Variants in C3 observed in about 807,000 individuals in gnomAD.
The protein encoded by C3 is C3 and PZP-like alpha-2-macroglobulin domain-containing protein 1.
Under a neutral mutation model 207.9 loss-of-function variants are expected in C3, and 97 were observed. That is an observed-to-expected ratio of 0.47 (90% CI 0.40 to 0.55). C3 has a LOEUF of 0.55. Ranked by LOEUF, C3 falls within the 20% of genes least tolerant of loss-of-function variation. The probability of loss-of-function intolerance (pLI) is 0.00; values close to 1 mark genes in which losing one functional copy is unlikely to be tolerated. For missense variants in C3, 1,684 were observed against 2,171.7 expected (o/e 0.78, Z 4.46); for synonymous variants, 848 against 857.6 (o/e 0.99, Z 0.20).
At position 6,677,834 on chromosome 19, in the gene C3, G is replaced by A. The variant is rs111617932; in HGVS notation, c.*48C>T. 1.9e-6 allele frequency: 3 copies of A among 1,609,956 alleles called. No homozygotes were observed. The highest frequency in any genetic ancestry group is 1.1e-5 in the South Asian group (1 of 90,948). ...CCTCTTGGCAAAGAACTCCAGACACGTGAGATATAACTGAAGCTTTATCTG... is the reference window on the plus strand; with the variant it reads ...CCTCTTGGCAAAGAACTCCAGACACATGAGATATAACTGAAGCTTTATCTG... On this transcript the variant is annotated 3_prime_UTR_variant, in exon 41 of 41. Coordinates refer to ENST00000245907, the MANE Select transcript of C3 (RefSeq NM_000064.4).
At position 6,693,567 on chromosome 19, in the gene C3, CAG is replaced by C. The variant is rs948905442; in HGVS notation, c.3155-82_3155-81del. On this transcript the variant is annotated intron_variant, in intron 24 of 40. Transcript: ENST00000245907. ...CGCCAGAAAGGGCAGGGGCGGGGTG[CAG>C]AGAGGGGACAGGGGCTCAGGGTGGC... 22 of 1,260,998 alleles carry C rather than the reference CAG, an allele frequency of 1.7e-5. No individual in the cohort carries two copies. In the African/African-American group the frequency reaches 3.0e-4, roughly 17 times the overall value. 78.1% of individuals were successfully genotyped at this position (1,260,998 alleles called of 1,614,324 possible). A position where few individuals can be genotyped will look rare whatever the true frequency, so the allele number is the denominator to read the frequency against.
chr19:6,683,168 A>G (rs1165814588), intron 33 of C3: 1 of 152,206 alleles, frequency 6.6e-6, no homozygotes, highest in Non-Finnish European at 1.5e-5. Context: ...TGGAAAGCTC[A>G]AAGGATAAAA....
intron 14 of C3, among the ~76,000 whole-genome samples, chr19:6,708,262 G>A (rs538641383): frequency 1.3e-5 from 2 of 152,124 alleles, no homozygotes; most frequent in East Asian, 1.9e-4. Flanking sequence ...TCAGCCTCCC[G>A]AGTATCTGGG....
chr19:6,683,446 A>ATTTTTTTTTTTTTTTTTTTTTTTTTTT (rs770744810), intron 33 of C3: 1 of 93,430 alleles, frequency 1.1e-5, no homozygotes, highest in Admixed American at 1.4e-4. Flanking sequence ...GTTTTATTCT[A>ATTTTTTTTTTTTTTTTTTTTTTTTTTT]TTTTTTTTTT....
chr19:6,712,875 G>A (rs975682098), intron 9 of C3, among the ~76,000 whole-genome samples: 1 of 150,368 alleles, frequency 6.7e-6, no homozygotes, highest in Non-Finnish European at 1.5e-5. Flanking sequence ...TACTGGCCCT[G>A]CCTCCCCCAT....
intron 36 of C3, 42 bp from the exon 37 acceptor site, chr19:6,679,538 C>T (rs754386174): frequency 1.6e-5 from 22 of 1,404,962 alleles, no homozygotes; most frequent in Non-Finnish European, 2.0e-5. Flanking sequence ...ATAAGGGCCT[C>T]CCTCCAAAGA....
rs775489887 is a variant in C3, at chr19:6,697,725, T to G, written c.2510A>C (p.Tyr837Ser). ...QDFFIDLRLP[Y>S]SVVRNEQVEI... is the part of the protein sequence containing the mutation. The stretch of plus-strand genomic sequence containing the variant: ...CACCTGCTCGTTTCGAACAACAGAG[T>G]AGGGTAGCCGCAGGTCGATGAAGAA... Residue 837 changes from tyrosine (Y) to serine (S), a missense_variant, in exon 20 of 41, where the codon TAC becomes TCC. Around this residue, in one of 3 missense-constraint regions of C3, gnomAD observed 1,280 missense variants for 1,739.1 expected, o/e 0.74. Transcript: ENST00000245907. The G allele has an allele frequency of 6.2e-7, 1 of 1,613,204 alleles. No homozygotes were observed. Among genetic ancestry groups the G allele is most frequent in the Non-Finnish European group, 8.5e-7 (1 of 1,179,796 alleles).
intron 33 of C3, among the ~76,000 whole-genome samples, chr19:6,683,977 T>C (rs1290257975): frequency 6.6e-6 from 1 of 152,198 alleles, no homozygotes; most frequent in Non-Finnish European, 1.5e-5. Flanking sequence ...CACACGCCTG[T>C]AGTCCCAGCT....
At chr19:6,712,972 G>A (rs1181425425) in intron 9 of C3, among the ~76,000 whole-genome samples, 7 of 151,394 alleles carry the variant, frequency 4.6e-5, no homozygotes, top group African/African-American at 1.2e-4. Flanking sequence ...CCATCAGCCC[G>A]GACCCCACCT....
At position 6,686,657 on chromosome 19, in the gene C3, T is replaced by C. The variant is rs151299391; in HGVS notation, c.3646+89A>G. ...TTGGCTTAGGGTCATCTGTCCCAGC[T>C]CAGCTAAAAGCCATGCATCCCAGCT... On this transcript the variant is annotated intron_variant, in intron 28 of 40. Coordinates refer to ENST00000245907, the MANE Select transcript of C3 (RefSeq NM_000064.4). 8.3e-4 allele frequency: 1,148 copies of C among 1,375,306 alleles called. 10 individuals are homozygous for C. Among genetic ancestry groups the C allele is most frequent in the South Asian group, 8.3e-3 (711 of 86,122 alleles). The allele number at this position is 1,375,306 out of a possible 1,614,324, so 85.2% of individuals were successfully genotyped here. A position where few individuals can be genotyped will look rare whatever the true frequency, so the allele number is the denominator to read the frequency against.
intron 27 of C3, among the ~76,000 whole-genome samples, chr19:6,687,196 C>T (rs943302002): frequency 7.5e-6 from 1 of 132,800 alleles, no homozygotes; most frequent in Admixed American, 8.2e-5. Flanking sequence ...TAATGATTTA[C>T]AATTTCTGTG....
At chr19:6,701,753 G>A (rs1967679086) in intron 19 of C3, among the ~76,000 whole-genome samples, 1 of 152,170 alleles carries the variant, frequency 6.6e-6, no homozygotes, top group South Asian at 2.1e-4. Flanking sequence ...TTGAACTCCT[G>A]ACCTGAAGTG....
chr19:6,686,809 C>T lies in C3; in HGVS notation c.3583G>A (p.Ala1195Thr), dbSNP rs1336724693. 6.2e-7 allele frequency: 1 copy of T among 1,614,246 alleles called. No homozygotes were observed. The highest frequency in any genetic ancestry group is 2.2e-5 in the East Asian group (1 of 44,890). The change falls in exon 28 of 41, where the codon GCT becomes ACT. Residue 1195 changes from alanine (A) to threonine (T), a missense_variant. Ala to Thr is a moderately conservative substitution (Grantham distance 58). Transcript: ENST00000245907. ...TTCAGCCTGCCCATCTGGGCCAGAG[C>T]ATAGCCAGCAATGGCCACAGTGTAG... The part of the protein sequence containing the change: ...RSYTVAIAGY[A>T]LAQMGRLKGP...
rs1384296849 is a variant in C3 at position 6,689,394 on chromosome 19, G to T, written c.3489+1235C>A. ...CTCTCTCTCTCTCTCTCTCTGCCTT[G>T]GTCCCTCTTGGGTGTTAGAGGCAAC... On this transcript the variant is annotated intron_variant, in intron 27 of 40. Transcript: ENST00000245907. Among the ~76,000 whole-genome samples the T allele has an allele frequency of 3.8e-5, 4 of 106,440 alleles. No individual in the cohort carries two copies. The Admixed American group carries it at 3.9e-4, about 10-fold the overall frequency. The allele number at this position is 106,440 out of a possible 152,430, so 69.8% of individuals were successfully genotyped here.
chr19:6,678,490 C>T (rs986309144), intron 38 of C3, 35 bp from the exon 39 acceptor site: 6 of 1,590,832 alleles, frequency 3.8e-6, no homozygotes, highest in Non-Finnish European at 5.2e-6. Flanking sequence ...GGGTGGTGGG[C>T]TAGGTTGACC....
Position 6,700,488 on chromosome 19 carries a change from A to AAT in C3, c.2440+1637_2440+1638dup, listed in dbSNP as rs571656410. 1.3e-4 allele frequency among the ~76,000 whole-genome samples: 4 copies of AAT among 31,960 alleles called. 2 individuals are homozygous for AAT. Among genetic ancestry groups the AAT allele is most frequent in the Non-Finnish European group, 1.8e-4 (4 of 22,464 alleles). The allele number at this position is 31,960 out of a possible 152,430, so 21.0% of individuals were successfully genotyped here. A position where few individuals can be genotyped will look rare whatever the true frequency, so the allele number is the denominator to read the frequency against. ...TATATATGTAATATATAATATATGTAATATGATATATTATATATGTAATAT... is the reference window on the plus strand; with the variant it reads ...TATATATGTAATATATAATATATGTAATATATGATATATTATATATGTAATAT... On this transcript the variant is annotated intron_variant, in intron 19 of 40. Transcript: ENST00000245907.
chr19:6,681,340 T>TAAAAAAA (rs71177112), intron 35 of C3, among the ~76,000 whole-genome samples: 3 of 95,114 alleles, frequency 3.2e-5, no homozygotes, highest in African/African-American at 4.1e-5. Flanking sequence ...AGGCTGCAGT[T>TAAAAAAA]AAAAAAAAAA....
chr19:6,707,414 G>C, intron 16 of C3, 52 bp downstream of exon 16: 1 of 1,606,478 alleles, frequency 6.2e-7, no homozygotes, highest in African/African-American at 1.3e-5. Context: ...GGCCGGGCTG[G>C]GGTCTCCTGG....
Position 6,719,129 on chromosome 19 carries a change from C to T in C3, c.267+82G>A. ...GGGCAGGGCTTAGAAAGGGAGAAGACAGAAGGGGAGGGGCTCAGGAGGAGG... is the reference window on the plus strand; with the variant it reads ...GGGCAGGGCTTAGAAAGGGAGAAGATAGAAGGGGAGGGGCTCAGGAGGAGG... On this transcript the variant is annotated intron_variant, in intron 2 of 40. Coordinates refer to ENST00000245907, the MANE Select transcript of C3 (RefSeq NM_000064.4). The surrounding 1 kb of genome is among the most constrained non-coding windows in gnomAD (Gnocchi z 5.4). 8.1e-7 allele frequency: 1 copy of T among 1,229,978 alleles called. No homozygotes were observed. 76.2% of individuals were successfully genotyped at this position (1,229,978 alleles called of 1,614,324 possible). A position where few individuals can be genotyped will look rare whatever the true frequency, so the allele number is the denominator to read the frequency against.
Sources: allele counts gnomAD v4.1 joint callset (sites outside exome capture counted in the v4.1 genomes callset), GRCh38; gene constraint gnomAD v4.1.1; regional missense constraint gnomAD v4.1.1; non-coding constraint Gnocchi (gnomAD v3.1); transcripts MANE v1.5; gene names NCBI Gene and HGNC (gene_info 2026-07-23, HGNC 2026-07-21).